ADD1: variants seen among roughly 807,000 people sequenced by gnomAD.
The protein encoded by ADD1 is adducin 1, also known as alpha-adducin.
ADD1 carries 24 observed loss-of-function variants against 80.5 expected under a neutral mutation model. That is an observed-to-expected ratio of 0.30 (90% CI 0.22 to 0.42). ADD1 has a LOEUF of 0.42. ADD1 is among the 10% of genes least tolerant of loss of function. The probability of loss-of-function intolerance (pLI) is 1.00; values close to 1 mark genes in which losing one functional copy is unlikely to be tolerated. For missense variants in ADD1, 948 were observed against 1,019.0 expected, an observed-to-expected ratio of 0.93 and a Z score of 0.95; for synonymous variants, 373 against 393.8, an observed-to-expected ratio of 0.95 and a Z score of 0.63.
At chr4:2,919,910 A>C (rs1433098869) in intron 14 of ADD1, among the ~76,000 whole-genome samples, 1 of 151,738 alleles carries the variant, frequency 6.6e-6, no homozygotes, top group African/African-American at 2.4e-5. Flanking sequence ...TTTCTTCTCT[A>C]ATTCTTTTAA....
chr4:2,894,763 CTA>C (rs779501976), intron 6 of ADD1, 32 bp downstream of exon 6: 4 of 1,568,190 alleles, frequency 2.6e-6, no homozygotes, highest in Non-Finnish European at 2.6e-6. Context: ...ATCTCAAGGT[CTA>C]AAGCTGCTGA....
At chr4:2,914,196 C>T (rs1380063809) in intron 13 of ADD1, among the ~76,000 whole-genome samples, 1 of 152,236 alleles carries the variant, frequency 6.6e-6, no homozygotes, top group Admixed American at 6.5e-5. Flanking sequence ...GATGCCCACC[C>T]AGCCCACTGT....
intron 1 of ADD1, among the ~76,000 whole-genome samples, chr4:2,866,451 C>T (rs1346532717): frequency 6.6e-6 from 1 of 151,614 alleles, no homozygotes; most frequent in Non-Finnish European, 1.5e-5. Context: ...GCTGGGATTA[C>T]AGGCGTCAGC....
At chr4:2,888,354 C>T (rs575356933) in intron 4 of ADD1, among the ~76,000 whole-genome samples, 161 of 148,698 alleles carry the variant, frequency 1.1e-3, no homozygotes, top group Middle Eastern at 3.8e-3. Context: ...GCTGGGATTA[C>T]AGGTGTGAGC....
At chr4:2,850,614 A>G (rs935437102) in intron 1 of ADD1, among the ~76,000 whole-genome samples, 1 of 152,134 alleles carries the variant, frequency 6.6e-6, no homozygotes, top group Non-Finnish European at 1.5e-5. Context: ...TTTAGTAGAG[A>G]TGGGGTTTCA....
intron 6 of ADD1, among the ~76,000 whole-genome samples, chr4:2,896,907 C>T (rs2857869): frequency 0.042 from 6,338 of 152,032 alleles, 197 homozygotes; most frequent in Middle Eastern, 0.082. Context: ...TACAGGTGCA[C>T]GCCACTGCAC....
chr4:2,904,556 C>G, intron 9 of ADD1: 2 of 591,694 alleles, frequency 3.4e-6, no homozygotes, highest in Non-Finnish European at 6.0e-6. Context: ...TTGTGGTTTA[C>G]GAGGAGTAGG....
Position 2,926,408 on chromosome 4 carries a change from T to C in ADD1, c.2047+296T>C, listed in dbSNP as rs903573818. 2.4e-5 allele frequency: 17 copies of C among 695,526 alleles called. No homozygotes were observed. The African/African-American group carries it at 2.6e-4, about 11-fold the overall frequency. 43.1% of individuals were successfully genotyped at this position (695,526 alleles called of 1,614,324 possible). ...GCACACTCCTCGTGCCGTGTTGTCA[T>C]GCAGATGCCACCTTCGGAGGTGCCC... On this transcript the variant is annotated intron_variant, in intron 15 of 15. Transcript: ENST00000683351. This position sits in a 1 kb window ranked among gnomAD's most constrained non-coding sequence, Gnocchi z 5.0.
In ADD1 at chr4:2,894,680, A is replaced by G; in HGVS notation, c.690A>G (p.Ala230=). The change falls in exon 6 of 16, where the codon GCA becomes GCG. Residue 230 remains alanine (A), a synonymous_variant. Transcript: ENST00000683351. The part of the protein sequence containing the change: ...GFTLHSAIYA[A]RPDVKCVVHI... ...CCTTACACTCTGCAATTTATGCTGCACGCCCGGACGTGAAGTGCGTCGTGC... is the reference window on the plus strand; with the variant it reads ...CCTTACACTCTGCAATTTATGCTGCGCGCCCGGACGTGAAGTGCGTCGTGC... 6.2e-7 allele frequency: 1 copy of G among 1,602,454 alleles called. No individual in the cohort carries two copies.
At chr4:2,865,535 TATC>T (rs1030436494) in intron 1 of ADD1, among the ~76,000 whole-genome samples, 3 of 152,262 alleles carry the variant, frequency 2.0e-5, no homozygotes, top group Non-Finnish European at 4.4e-5. Context: ...AGCTTTCTTT[TATC>T]ATTTGTCTTT....
At chr4:2,903,617 T>TAA (rs1303572386) in intron 9 of ADD1, among the ~76,000 whole-genome samples, 1 of 152,234 alleles carries the variant, frequency 6.6e-6, no homozygotes, top group Non-Finnish European at 1.5e-5. Flanking sequence ...GAGACTCTTA[T>TAA]AAGATAGGTG....
intron 1 of ADD1, among the ~76,000 whole-genome samples, chr4:2,846,214 T>C (rs972113483): frequency 4.6e-5 from 7 of 152,234 alleles, no homozygotes; most frequent in African/African-American, 1.7e-4. Flanking sequence ...CTCATTTTAA[T>C]TGATAGTTTC....
Position 2,926,655 on chromosome 4 carries a change from T to C in ADD1, c.2047+543T>C. On this transcript the variant is annotated intron_variant, in intron 15 of 15. Transcript: ENST00000683351. This position sits in a 1 kb window ranked among gnomAD's most constrained non-coding sequence, Gnocchi z 5.0. Reference sequence around the variant, plus strand: ...CGTCACAAGCAGGAGACGGATGCGCTAGAGAGTACCTGTTACCCTAGTAAG... The same window carrying C: ...CGTCACAAGCAGGAGACGGATGCGCCAGAGAGTACCTGTTACCCTAGTAAG... 1 of 1,613,958 alleles carries C rather than the reference T, an allele frequency of 6.2e-7. No homozygotes were observed. Among genetic ancestry groups the C allele is most frequent in the Non-Finnish European group, 8.5e-7 (1 of 1,179,914 alleles).
chr4:2,881,776 A>G, intron 2 of ADD1, 122 bp from the exon 3 acceptor site: 2 of 658,072 alleles, frequency 3.0e-6, no homozygotes, highest in Non-Finnish European at 4.9e-6. Flanking sequence ...GTGTGAGAAT[A>G]TCCGTTTGCC....
intron 1 of ADD1, among the ~76,000 whole-genome samples, chr4:2,850,266 TTTTG>T (rs1472741867): frequency 2.6e-5 from 4 of 152,184 alleles, no homozygotes; most frequent in Non-Finnish European, 2.9e-5. Context: ...AGGCAAATCT[TTTTG>T]TTTTTTGTTT....
At chr4:2,911,354 G>C (rs546908429) in intron 13 of ADD1, among the ~76,000 whole-genome samples, 43 of 152,078 alleles carry the variant, frequency 2.8e-4, no homozygotes, top group Admixed American at 1.2e-3. Flanking sequence ...AGTAATCACA[G>C]TTCAAACAGG....
chr4:2,868,705 A>G (rs1729941271), intron 1 of ADD1, among the ~76,000 whole-genome samples: 1 of 152,200 alleles, frequency 6.6e-6, no homozygotes, highest in South Asian at 2.1e-4. Flanking sequence ...TCACAGGCCC[A>G]CAGACCAGTG....
chr4:2,893,665 G>C (rs1397613649), intron 4 of ADD1, among the ~76,000 whole-genome samples: 1 of 152,036 alleles, frequency 6.6e-6, no homozygotes, highest in African/African-American at 2.4e-5. Flanking sequence ...ATATCCCTGA[G>C]GAGTGACACC....
At chr4:2,854,316 T>TC (rs1161243544) in intron 1 of ADD1, among the ~76,000 whole-genome samples, 3 of 152,200 alleles carry the variant, frequency 2.0e-5, no homozygotes, top group South Asian at 2.1e-4. Context: ...AGAATGAGAC[T>TC]CCATCTTAAG....
Sources: allele counts gnomAD v4.1 joint callset (sites outside exome capture counted in the v4.1 genomes callset), GRCh38; gene constraint gnomAD v4.1.1; non-coding constraint Gnocchi (gnomAD v3.1); transcripts MANE v1.5; gene names NCBI Gene and HGNC (gene_info 2026-07-23, HGNC 2026-07-21).